Variants in XKR4 observed in about 807,000 individuals in gnomAD.
XKR4 encodes XK-related protein 4.
XKR4 carries 12 observed loss-of-function variants against 53.9 expected under a neutral mutation model. The observed-to-expected ratio is 0.22, with a 90% CI of 0.14 to 0.36. The LOEUF (loss-of-function observed/expected upper bound fraction) is 0.36, where lower values mean the gene tolerates loss of function less well. XKR4 is among the 10% of genes least tolerant of loss of function. The probability of loss-of-function intolerance (pLI) is 1.00; values close to 1 mark genes in which losing one functional copy is unlikely to be tolerated. For missense variants in XKR4, 799 were observed against 859.5 expected (o/e 0.93, Z 0.88); for synonymous variants, 354 against 362.4 (o/e 0.98, Z 0.26).
intron 2 of XKR4, among the ~76,000 whole-genome samples, chr8:55,438,891 T>C (rs1166846814): frequency 5.3e-5 from 8 of 152,174 alleles, no homozygotes. Context: ...CATCTGTTCA[T>C]TTCTATTGAC....
intron 2 of XKR4, among the ~76,000 whole-genome samples, chr8:55,464,872 A>G (rs529331513): frequency 6.6e-6 from 1 of 152,294 alleles, no homozygotes; most frequent in East Asian, 1.9e-4. Context: ...ATCATGAGTG[A>G]ACTCCCATTC....
intron 2 of XKR4, among the ~76,000 whole-genome samples, chr8:55,508,422 T>C (rs1302028722): frequency 6.6e-6 from 1 of 152,260 alleles, no homozygotes; most frequent in Non-Finnish European, 1.5e-5. Context: ...AGGCATTTTC[T>C]GTTTCTGGAA....
chr8:55,351,904 A>G (rs142628241), intron 1 of XKR4, among the ~76,000 whole-genome samples: 81 of 152,310 alleles, frequency 5.3e-4, no homozygotes, highest in African/African-American at 1.9e-3. Context: ...TTTCCCTTGG[A>G]CAAAAACATA....
chr8:55,425,622 A>G (rs979874950), intron 2 of XKR4, among the ~76,000 whole-genome samples: 3 of 152,036 alleles, frequency 2.0e-5, no homozygotes, highest in African/African-American at 2.4e-5. Context: ...TGTATCTTCT[A>G]TCTGTTGGAG....
chr8:55,240,199 C>T (rs1217343757), intron 1 of XKR4, among the ~76,000 whole-genome samples: 1 of 151,942 alleles, frequency 6.6e-6, no homozygotes, highest in African/African-American at 2.4e-5. Context: ...TTCTCACAAG[C>T]CAGCCAATTA....
intron 1 of XKR4, among the ~76,000 whole-genome samples, chr8:55,305,009 A>G (rs1396345458): frequency 5.9e-5 from 9 of 152,158 alleles, no homozygotes; most frequent in Non-Finnish European, 4.4e-5. Context: ...ATTTATATTA[A>G]TGTAAGACTA....
intron 1 of XKR4, among the ~76,000 whole-genome samples, chr8:55,175,312 A>G (rs1817214669): frequency 6.6e-6 from 1 of 152,218 alleles, no homozygotes; most frequent in East Asian, 1.9e-4. Flanking sequence ...GCTTTGACAG[A>G]AAGCAGTTTT....
In XKR4 at chr8:55,289,677, G is replaced by GAAAGAAAGAAAGAA. The variant is rs201871671; in HGVS notation, c.807-68000_807-67999insAAGAAAGAAAGAAA. On this transcript the variant is annotated intron_variant, in intron 1 of 2. Transcript: ENST00000327381. ...AGGAAGGAAAAGAAAAGAAAAGAAA[G>GAAAGAAAGAAAGAA]AGAAAGAAAGAAAGAAAGAGAAAGA... Among the ~76,000 whole-genome samples, 303 of 125,110 alleles carry GAAAGAAAGAAAGAA rather than the reference G, an allele frequency of 2.4e-3. 1 individual carries two copies. The highest frequency in any genetic ancestry group is 9.4e-3 in the African/African-American group (289 of 30,640). The allele number at this position is 125,110 out of a possible 152,430, so 82.1% of individuals were successfully genotyped here. A position where few individuals can be genotyped will look rare whatever the true frequency, so the allele number is the denominator to read the frequency against.
At chr8:55,476,633 C>CTTT (rs1245567561) in intron 2 of XKR4, among the ~76,000 whole-genome samples, 7 of 152,058 alleles carry the variant, frequency 4.6e-5, no homozygotes, top group African/African-American at 1.7e-4. Flanking sequence ...AGGGAGTTCC[C>CTTT]TTTCCTAGTC....
chr8:55,497,256 T>C (rs1445502400), intron 2 of XKR4, among the ~76,000 whole-genome samples: 1 of 152,218 alleles, frequency 6.6e-6, no homozygotes, highest in Non-Finnish European at 1.5e-5. Flanking sequence ...AATATAAATG[T>C]ATATGTGCTG....
At chr8:55,377,978 G>A (rs560970831) in intron 2 of XKR4, among the ~76,000 whole-genome samples, 5 of 152,190 alleles carry the variant, frequency 3.3e-5, no homozygotes, top group African/African-American at 9.7e-5. Flanking sequence ...TTCGATGCTC[G>A]AGGCAACCTG....
At chr8:55,171,392 TCAG>T (rs1299375087) in intron 1 of XKR4, among the ~76,000 whole-genome samples, 3 of 152,290 alleles carry the variant, frequency 2.0e-5, no homozygotes, top group Admixed American at 2.0e-4. Context: ...CATCTAGCAC[TCAG>T]CCATAGACTT....
intron 1 of XKR4, among the ~76,000 whole-genome samples, chr8:55,295,882 C>T (rs969807435): frequency 6.6e-5 from 10 of 152,060 alleles, no homozygotes; most frequent in Admixed American, 4.6e-4. Flanking sequence ...TGTTTTATTC[C>T]ATTTTTATTA....
intron 2 of XKR4, among the ~76,000 whole-genome samples, chr8:55,493,291 T>G (rs7827310): frequency 0.054 from 8,248 of 152,224 alleles, 615 homozygotes; most frequent in East Asian, 0.27. Context: ...TCATTTCTCT[T>G]CCCTGATACA....
At chr8:55,220,168 G>T (rs748539660) in intron 1 of XKR4, among the ~76,000 whole-genome samples, 7 of 151,956 alleles carry the variant, frequency 4.6e-5, no homozygotes, top group Admixed American at 6.6e-5. Flanking sequence ...ATATCACTTT[G>T]CATCCCCCAT....
rs146965995 is a variant in XKR4, at chr8:55,454,190, G to C, written c.1007-69091G>C. 9.8e-4 allele frequency: 1,003 copies of C among 1,025,908 alleles called. 6 individuals are homozygous for C. The African/African-American group carries it at 0.013, about 13-fold the overall frequency. The allele number at this position is 1,025,908 out of a possible 1,614,324, so 63.6% of individuals were successfully genotyped here. On this transcript the variant is annotated intron_variant, in intron 2 of 2. Transcript: ENST00000327381. Reference sequence around the variant, plus strand: ...AACACTGTGCGTCTGACTCTGCAGTGGCTCTAGCAAGGGTGGAATGTGCAC... The same window carrying C: ...AACACTGTGCGTCTGACTCTGCAGTCGCTCTAGCAAGGGTGGAATGTGCAC...
At chr8:55,457,818 G>A (rs563571433) in intron 2 of XKR4, among the ~76,000 whole-genome samples, 3 of 152,132 alleles carry the variant, frequency 2.0e-5, no homozygotes, top group Admixed American at 2.0e-4. Flanking sequence ...CACACAGTTA[G>A]GTTTATGGAT....
At chr8:55,233,319 T>C (rs1818070682) in intron 1 of XKR4, among the ~76,000 whole-genome samples, 1 of 152,238 alleles carries the variant, frequency 6.6e-6, no homozygotes, top group Non-Finnish European at 1.5e-5. Context: ...CTTCTGGTTT[T>C]TGTCCTTTGT....
chr8:55,482,978 T>G (rs548493394), intron 2 of XKR4, among the ~76,000 whole-genome samples: 1 of 152,308 alleles, frequency 6.6e-6, no homozygotes, highest in East Asian at 1.9e-4. Flanking sequence ...AAATGAATCA[T>G]TGTTAGCCCT....
Sources: gnomAD v4.1 joint callset for allele counts (sites outside exome capture counted in the v4.1 genomes callset) on GRCh38, gnomAD v4.1.1 for gene constraint, MANE v1.5 for transcripts, NCBI Gene and HGNC (gene_info 2026-07-23, HGNC 2026-07-21) for gene names.